ARCN1: variants seen among roughly 807,000 people sequenced by gnomAD.
ARCN1 encodes the protein archain 1 coat protein complex I subunit delta, also known as coatomer subunit delta.
In ARCN1, 5 loss-of-function variants were observed where a neutral mutation model predicts 60.4. The ratio of observed to expected loss-of-function variants is 0.08; its 90% CI spans 0.04 to 0.17. The LOEUF (loss-of-function observed/expected upper bound fraction) is 0.17. Ranked by LOEUF, ARCN1 falls within the 10% of genes least tolerant of loss-of-function variation. The probability of loss-of-function intolerance (pLI) is 1.00; values close to 1 mark genes in which losing one functional copy is unlikely to be tolerated. For synonymous variants in ARCN1, 224 were observed against 220.0 expected (o/e 1.02, Z -0.16); for missense variants, 464 against 626.5 (o/e 0.74, Z 2.77).
At chr11:118,578,164 A>AAAAT (rs10608266) in intron 1 of ARCN1, among the ~76,000 whole-genome samples, 4,700 of 141,566 alleles carry the variant, frequency 0.033, 83 homozygotes, top group Middle Eastern at 0.086. Context: ...ACTCTCTCAA[A>AAAAT]AAATAAATAA....
intron 5 of ARCN1, among the ~76,000 whole-genome samples, chr11:118,585,009 G>C (rs1337037859): frequency 6.6e-6 from 1 of 151,734 alleles, no homozygotes; most frequent in Non-Finnish European, 1.5e-5. Context: ...TGTATTTTTA[G>C]TAGAGATGGG....
chr11:118,596,972 G>A (rs1056584375), intron 8 of ARCN1, among the ~76,000 whole-genome samples: 1 of 152,218 alleles, frequency 6.6e-6, no homozygotes, highest in East Asian at 1.9e-4. Flanking sequence ...CACTTTGGGA[G>A]GCCGAGGCAA....
chr11:118,593,724 C>A (rs374613105), intron 8 of ARCN1, 26 bp downstream of exon 8: 2 of 1,500,518 alleles, frequency 1.3e-6, no homozygotes, highest in East Asian at 4.5e-5. Context: ...GTGTCCTCTA[C>A]GGTGGACTTA....
intron 1 of ARCN1, among the ~76,000 whole-genome samples, chr11:118,578,188 T>TA (rs1465002820): frequency 1.3e-5 from 2 of 150,976 alleles, no homozygotes; most frequent in Admixed American, 6.6e-5. Context: ...AATAAATAAA[T>TA]AAATAAATAA....
At chr11:118,576,896 G>C (rs1591380698) in intron 1 of ARCN1, among the ~76,000 whole-genome samples, 1 of 152,298 alleles carries the variant, frequency 6.6e-6, no homozygotes, top group East Asian at 1.9e-4. Flanking sequence ...TGAAAGCCTG[G>C]AATTCTGGCC....
chr11:118,591,958 C>T lies in ARCN1; in HGVS notation c.985-751C>T, dbSNP rs181197710. On this transcript the variant is annotated intron_variant, in intron 6 of 9. Coordinates refer to ENST00000264028, the MANE Select transcript of ARCN1 (RefSeq NM_001655.5). ...TTTTTGAGACGGAGTTTCACTCTTC[C>T]TGCCCAGGTTGGAGTGCAATGGTGT... 6.4e-3 allele frequency among the ~76,000 whole-genome samples: 972 copies of T among 151,816 alleles called. 11 individuals are homozygous for T. The highest frequency in any genetic ancestry group is 0.021 in the African/African-American group (866 of 41,404).
intron 1 of ARCN1, among the ~76,000 whole-genome samples, chr11:118,576,805 G>C (rs1158500228): frequency 1.3e-5 from 2 of 152,182 alleles, no homozygotes; most frequent in African/African-American, 4.8e-5. Flanking sequence ...TGGAAGCCTT[G>C]TTTTGCTTGT....
chr11:118,593,319 C>T (rs1161676134), intron 7 of ARCN1, among the ~76,000 whole-genome samples: 2 of 151,956 alleles, frequency 1.3e-5, no homozygotes, highest in African/African-American at 2.4e-5. Flanking sequence ...ACCTTGAACT[C>T]CTGGGTTCAG....
At chr11:118,598,230 G>A (rs904283364) in intron 9 of ARCN1, among the ~76,000 whole-genome samples, 2 of 151,444 alleles carry the variant, frequency 1.3e-5, no homozygotes, top group East Asian at 1.9e-4. Flanking sequence ...TTTTAAAGTC[G>A]ATTTGCCAAA....
At position 118,597,795 on chromosome 11, in the gene ARCN1, G is replaced by T. The variant is rs782251104; in HGVS notation, c.1330G>T (p.Val444Leu). ...AAATACCCTGGAGTGGTGCCTGCCTGTGATTGATGCCAAAAATAAGAGTGG... is the reference window on the plus strand; with the variant it reads ...AAATACCCTGGAGTGGTGCCTGCCTTTGATTGATGCCAAAAATAAGAGTGG... ...RRNTLEWCLP[V>L]IDAKNKSGSL... Residue 444 changes from valine (V) to leucine (L), a missense_variant, in exon 9 of 10, where the codon GTG (valine) becomes TTG (leucine). Coordinates refer to ENST00000264028, the MANE Select transcript of ARCN1 (RefSeq NM_001655.5). 5.6e-6 allele frequency: 9 copies of T among 1,614,094 alleles called. No homozygotes were observed. The highest frequency in any genetic ancestry group is 6.8e-6 in the Non-Finnish European group (8 of 1,180,056).
In ARCN1 at chr11:118,581,269, C is replaced by G. The variant is rs1555074530; in HGVS notation, c.27C>G (p.Cys9Trp). 1 of 1,614,206 alleles carries G rather than the reference C, an allele frequency of 6.2e-7. No individual in the cohort carries two copies. The highest frequency in any genetic ancestry group is 1.7e-5 in the Admixed American group (1 of 60,024). The stretch of plus-strand genomic sequence containing the variant: ...AGGTGCTGTTGGCAGCAGCGGTCTG[C>G]ACAAAAGCAGGAAAGGCTATTGTTT... MVLLAAAV[C>W]TKAGKAIVSR... The change falls in exon 2 of 10, where the codon TGC (cysteine) becomes TGG (tryptophan). Residue 9 changes from cysteine to tryptophan, a missense_variant. Cys to Trp is a radical substitution (Grantham distance 215, BLOSUM62 -2). This residue lies in a region of ARCN1 where 105 missense variants were observed against 186.3 expected (regional missense o/e 0.56). Transcript: ENST00000264028.
At chr11:118,582,213 G>T (rs953573074) in intron 2 of ARCN1, among the ~76,000 whole-genome samples, 1 of 152,040 alleles carries the variant, frequency 6.6e-6, no homozygotes, top group East Asian at 1.9e-4. Flanking sequence ...TGCAATCTCG[G>T]CTCACTGCAA....
In ARCN1 at chr11:118,575,411, G is replaced by GGTGTGTGTGTGT. The variant is rs56934953; in HGVS notation, c.3+2876_3+2887dup. ...AAGTTCACTGCAGAAACTGATAACGGGTGTGTGTGTGTGTGTGTGTGTGTG... is the reference window on the plus strand; with the variant it reads ...AAGTTCACTGCAGAAACTGATAACGGGTGTGTGTGTGTGTGTGTGTGTGTGTGTGTGTGTGTG... On this transcript the variant is annotated intron_variant, in intron 1 of 9. Transcript: ENST00000264028. 2.3e-3 allele frequency among the ~76,000 whole-genome samples: 337 copies of GGTGTGTGTGTGT among 149,184 alleles called. 3 individuals carry two copies. Among genetic ancestry groups the GGTGTGTGTGTGT allele is most frequent in the African/African-American group, 6.4e-3 (259 of 40,750 alleles).
rs371706722 is a variant in ARCN1 at position 118,597,916 on chromosome 11, T to C, written c.1446+5T>C. 4 of 1,613,870 alleles carry C rather than the reference T, an allele frequency of 2.5e-6. No homozygotes were observed. The African/African-American group carries it at 4.0e-5, about 16-fold the overall frequency. Reference sequence around the variant, plus strand: ...AAAAATTACTGTAACATACAGGTACTCCATTTTAGTTGAGAACATATATAG... The same window carrying C: ...AAAAATTACTGTAACATACAGGTACCCCATTTTAGTTGAGAACATATATAG... On this transcript the variant is annotated splice_donor_5th_base_variant and intron_variant, in intron 9 of 9. Transcript: ENST00000264028.
rs1555078179 is a variant in ARCN1, at chr11:118,601,709, G to A, written c.*995G>A. On this transcript the variant is annotated 3_prime_UTR_variant, in exon 10 of 10. Coordinates refer to ENST00000264028, the MANE Select transcript of ARCN1 (RefSeq NM_001655.5). ...CTTTGCCAAGTTGTTTTCCTTTCAG[G>A]GCCTGTCCTTCCAGTTTAGAACAGT... The A allele has an allele frequency of 1.4e-6, 1 of 702,878 alleles. No homozygotes were observed. The highest frequency in any genetic ancestry group is 1.5e-5 in the South Asian group (1 of 67,592). 43.5% of individuals were successfully genotyped at this position (702,878 alleles called of 1,614,324 possible). A position where few individuals can be genotyped will look rare whatever the true frequency, so the allele number is the denominator to read the frequency against.
rs1555077454 is a variant in ARCN1, at chr11:118,597,824, C to T, written c.1359C>T (p.Ser453=). ...TTGATGCCAAAAATAAGAGTGGCAG[C>T]CTGGAGTTTAGCATTGCTGGGCAGC... ...PVIDAKNKSG[S]LEFSIAGQPN... Residue 453 remains serine, a synonymous_variant, in exon 9 of 10, where the codon AGC becomes AGT. Coordinates refer to ENST00000264028, the MANE Select transcript of ARCN1 (RefSeq NM_001655.5). 1.2e-6 allele frequency: 2 copies of T among 1,613,980 alleles called. No individual in the cohort carries two copies. Among genetic ancestry groups the T allele is most frequent in the Non-Finnish European group, 1.7e-6 (2 of 1,180,044 alleles).
At chr11:118,592,918 C>T in intron 7 of ARCN1, 62 bp downstream of exon 7, 1 of 1,460,996 alleles carries the variant, frequency 6.8e-7, no homozygotes. Flanking sequence ...ATAGCCCTTG[C>T]TGGTACACTT....
chr11:118,572,478 C>T lies in ARCN1; in HGVS notation c.-70C>T, dbSNP rs963069900. 2 of 1,565,382 alleles carry T rather than the reference C, an allele frequency of 1.3e-6. No homozygotes were observed. The highest frequency in any genetic ancestry group is 1.7e-6 in the Non-Finnish European group (2 of 1,146,368). ...AGCAGGTCCAGAGCTGCTGGTGCTC[C>T]CGTTCCCCAGACCCTACCCCTATCC... On this transcript the variant is annotated 5_prime_UTR_variant, in exon 1 of 10. Coordinates refer to ENST00000264028, the MANE Select transcript of ARCN1 (RefSeq NM_001655.5).
chr11:118,584,842 T>C (rs1395119860), intron 5 of ARCN1, among the ~76,000 whole-genome samples, 198 bp downstream of exon 5: 1 of 152,168 alleles, frequency 6.6e-6, no homozygotes, highest in African/African-American at 2.4e-5. Flanking sequence ...TTATTTTTTT[T>C]TGAGATGGAG....
Sources: gnomAD v4.1 joint callset for allele counts (sites outside exome capture counted in the v4.1 genomes callset) on GRCh38, gnomAD v4.1.1 for gene constraint, gnomAD v4.1.1 regional missense constraint, MANE v1.5 for transcripts, NCBI Gene and HGNC (gene_info 2026-07-23, HGNC 2026-07-21) for gene names.